The following ST7 variants were observed in gnomAD, a reference collection of about 807,000 sequenced individuals.
ST7 encodes suppression of tumorigenicity 7.
Under a neutral mutation model 78.7 loss-of-function variants are expected in ST7, and 28 were observed. That is an observed-to-expected ratio of 0.36 (90% CI 0.26 to 0.49). The LOEUF is 0.49. ST7 is among the 20% of genes least tolerant of loss of function. ST7 has a pLI of 0.99. For missense variants in ST7, 418 were observed against 696.0 expected (o/e 0.60, Z 4.49); for synonymous variants, 247 against 249.6 (o/e 0.99, Z 0.10).
intron 13 of ST7, among the ~76,000 whole-genome samples, chr7:117,214,991 C>A (rs1224079598): frequency 6.6e-6 from 1 of 150,918 alleles, no homozygotes; most frequent in Non-Finnish European, 1.5e-5. Context: ...CACACACACA[C>A]CTCACATCAG....
chr7:117,174,130 T>A (rs932706668), intron 10 of ST7, among the ~76,000 whole-genome samples: 1 of 152,230 alleles, frequency 6.6e-6, no homozygotes, highest in Non-Finnish European at 1.5e-5. Context: ...TTTTTGCCAT[T>A]GAGATAACTT....
At chr7:117,175,299 C>A (rs539510013) in intron 10 of ST7, among the ~76,000 whole-genome samples, 65 of 152,372 alleles carry the variant, frequency 4.3e-4, no homozygotes, top group African/African-American at 1.5e-3. Flanking sequence ...AAAGTTCTTA[C>A]AAGCTTTGGA....
intron 1 of ST7, among the ~76,000 whole-genome samples, chr7:116,978,447 A>G (rs951076746): frequency 6.6e-6 from 1 of 152,220 alleles, no homozygotes; most frequent in African/African-American, 2.4e-5. Context: ...GTTGACTAGA[A>G]CTTTGTTTAG....
At chr7:117,208,525 TGTGTTC>T (rs746875885) in intron 12 of ST7, among the ~76,000 whole-genome samples, 1 of 152,116 alleles carries the variant, frequency 6.6e-6, no homozygotes, top group Non-Finnish European at 1.5e-5. Flanking sequence ...GATGCCTGCA[TGTGTTC>T]TCCTGGCTCC....
chr7:117,178,871 C>G (rs1012492655), intron 10 of ST7, among the ~76,000 whole-genome samples: 1 of 152,200 alleles, frequency 6.6e-6, no homozygotes, highest in Non-Finnish European at 1.5e-5. Flanking sequence ...TTATGAACCA[C>G]TTATGACTTT....
chr7:117,174,552 A>G (rs1005613765), intron 10 of ST7, among the ~76,000 whole-genome samples: 2 of 152,194 alleles, frequency 1.3e-5, no homozygotes, highest in Admixed American at 1.3e-4. Flanking sequence ...GAATTCTACA[A>G]GTAAAGGAAA....
intron 1 of ST7, among the ~76,000 whole-genome samples, chr7:117,067,065 A>T (rs1798676881): frequency 6.6e-6 from 1 of 152,124 alleles, no homozygotes; most frequent in Admixed American, 6.6e-5. Context: ...TCCATTTTGT[A>T]ACATGTATCA....
intron 3 of ST7, among the ~76,000 whole-genome samples, chr7:117,126,239 C>G (rs572794690): frequency 6.6e-6 from 1 of 151,748 alleles, no homozygotes; most frequent in South Asian, 2.1e-4. Context: ...TTTTGAAGTC[C>G]CCATGACTAG....
intron 1 of ST7, chr7:117,072,783 C>T (rs1040616425): frequency 6.6e-6 from 1 of 152,248 alleles, no homozygotes; most frequent in Non-Finnish European, 1.5e-5. Flanking sequence ...GAGCTAATTC[C>T]TCCTAGCAGA....
At chr7:117,014,806 A>G (rs1795532593) in intron 1 of ST7, 4 of 380,174 alleles carry the variant, frequency 1.1e-5, no homozygotes, top group Non-Finnish European at 1.9e-5. Flanking sequence ...TCTAAGGACG[A>G]CTTTAAAAGA....
chr7:117,058,173 G>T (rs756464313), intron 1 of ST7, among the ~76,000 whole-genome samples: 15 of 152,120 alleles, frequency 9.9e-5, no homozygotes, highest in African/African-American at 1.7e-4. Flanking sequence ...TTACCTTTTG[G>T]AACTCAATTG....
intron 9 of ST7, among the ~76,000 whole-genome samples, chr7:117,151,967 A>G (rs1261658910): frequency 6.6e-6 from 1 of 151,564 alleles, no homozygotes; most frequent in Non-Finnish European, 1.5e-5. Context: ...TAAAAATACA[A>G]AAATTAGCCG....
intron 12 of ST7, among the ~76,000 whole-genome samples, chr7:117,193,984 C>T (rs1016274531): frequency 6.6e-6 from 1 of 152,180 alleles, no homozygotes; most frequent in Non-Finnish European, 1.5e-5. Flanking sequence ...TAGGAACTCT[C>T]TTCACTTGCA....
chr7:117,158,430 T>C (rs1166037363), intron 9 of ST7, among the ~76,000 whole-genome samples: 1 of 152,118 alleles, frequency 6.6e-6, no homozygotes, highest in Admixed American at 6.5e-5. Flanking sequence ...GCCCTTTGAG[T>C]CTTTGGGAGA....
intron 9 of ST7, among the ~76,000 whole-genome samples, chr7:117,148,421 T>G (rs1805979134): frequency 6.6e-6 from 1 of 152,196 alleles, no homozygotes; most frequent in South Asian, 2.1e-4. Flanking sequence ...TCTGTAAAAT[T>G]TTTGATGAAT....
At chr7:116,987,519 C>T (rs933596976) in intron 1 of ST7, among the ~76,000 whole-genome samples, 2 of 152,166 alleles carry the variant, frequency 1.3e-5, no homozygotes, top group Non-Finnish European at 2.9e-5. Context: ...TGCATCACAC[C>T]CTGAACTTCA....
At position 116,977,853 on chromosome 7, in the gene ST7, G is replaced by A. The variant is rs534719415; in HGVS notation, c.151+24162G>A. ...CAGGCGTGAGCCACCGCGCCCGGCC[G>A]AGTGGTGGTATTTTTAAAGAAGCAC... On this transcript the variant is annotated intron_variant, in intron 1 of 15. Transcript: ENST00000323984. 2.5e-4 allele frequency among the ~76,000 whole-genome samples: 38 copies of A among 152,284 alleles called. No individual in the cohort carries two copies. In the South Asian group the frequency reaches 6.2e-3, roughly 25 times the overall value.
chr7:117,107,943 TC>T (rs200096732), intron 2 of ST7, among the ~76,000 whole-genome samples: 22 of 152,130 alleles, frequency 1.4e-4, no homozygotes, highest in South Asian at 6.2e-4. Context: ...GGGATTTTTT[TC>T]TTTCTTGCTG....
At chr7:117,140,349 A>G (rs184680125) in intron 9 of ST7, among the ~76,000 whole-genome samples, 42 of 152,256 alleles carry the variant, frequency 2.8e-4, no homozygotes, top group African/African-American at 8.9e-4. Flanking sequence ...CAGCTTCATG[A>G]CCCAAGGCAA....
Sources: allele counts gnomAD v4.1 joint callset (sites outside exome capture counted in the v4.1 genomes callset), GRCh38; gene constraint gnomAD v4.1.1; transcripts MANE v1.5; gene names NCBI Gene and HGNC (gene_info 2026-07-23, HGNC 2026-07-21).